SLAIN1: variants seen among roughly 807,000 people sequenced by gnomAD.
The protein encoded by SLAIN1 is SLAIN family member 1.
In SLAIN1, 17 loss-of-function variants were observed where a neutral mutation model predicts 55.4. The ratio of observed to expected loss-of-function variants is 0.31; its 90% CI spans 0.21 to 0.46. The LOEUF (loss-of-function observed/expected upper bound fraction) is 0.46. Among genes scored for constraint, SLAIN1 ranks in the 20% least tolerant of loss-of-function variants. SLAIN1 has a pLI of 1.00. For synonymous variants in SLAIN1, 348 were observed against 337.4 expected (o/e 1.03, Z -0.35); for missense variants, 682 against 785.1 (o/e 0.87, Z 1.57).
chr13:77,743,457 A>T (rs188491051), intron 2 of SLAIN1: 24 of 156,946 alleles, frequency 1.5e-4, no homozygotes, highest in Non-Finnish European at 5.6e-5. Context: ...GTCAAACACA[A>T]TTAAGGTAGT....
chr13:77,740,257 TTGG>T (rs1245268268), intron 2 of SLAIN1, among the ~76,000 whole-genome samples: 1 of 152,042 alleles, frequency 6.6e-6, no homozygotes, highest in African/African-American at 2.4e-5. Flanking sequence ...CAGGGCAGTG[TTGG>T]TGGCTGGAAG....
intron 2 of SLAIN1, chr13:77,741,397 A>G (rs1873429581): frequency 1.4e-5 from 14 of 987,358 alleles, no homozygotes; most frequent in Non-Finnish European, 1.6e-5. Flanking sequence ...CTGGAAGTGC[A>G]TGTCTGTGTT....
At chr13:77,730,545 A>C (rs1566232388) in intron 2 of SLAIN1, among the ~76,000 whole-genome samples, 1 of 152,174 alleles carries the variant, frequency 6.6e-6, no homozygotes, top group Admixed American at 6.6e-5. Context: ...CGGAAACATA[A>C]GGGTTTGATT....
intron 1 of SLAIN1, among the ~76,000 whole-genome samples, chr13:77,718,539 A>G (rs2091230231): frequency 6.6e-6 from 1 of 152,192 alleles, no homozygotes; most frequent in African/African-American, 2.4e-5. Context: ...TAACTGATAA[A>G]TTACTCTAAT....
chr13:77,761,089 A>C lies in SLAIN1; in HGVS notation c.1676A>C (p.Lys559Thr). 6 of 1,614,174 alleles carry C rather than the reference A, an allele frequency of 3.7e-6. No individual in the cohort carries two copies. Among genetic ancestry groups the C allele is most frequent in the Non-Finnish European group, 5.1e-6 (6 of 1,180,012 alleles). ...AATGGGAGTAACCTGCCTCGAAGCAAAATTGCACAACCTGTTAGAAGGTAA... is the reference window on the plus strand; with the variant it reads ...AATGGGAGTAACCTGCCTCGAAGCACAATTGCACAACCTGTTAGAAGGTAA... ...AINGSNLPRS[K>T]IAQPVRSFLQ... The change falls in exon 6 of 7, where the codon AAA becomes ACA. Residue 559 changes from lysine (K) to threonine (T), a missense_variant. By Grantham distance (78) the Lys-to-Thr change is moderately conservative. Transcript: ENST00000418532.
intron 2 of SLAIN1, among the ~76,000 whole-genome samples, chr13:77,732,647 C>G (rs890055060): frequency 6.6e-5 from 10 of 151,914 alleles, no homozygotes; most frequent in African/African-American, 2.2e-4. Flanking sequence ...TTTAAACATG[C>G]CTTTGAAGTG....
At chr13:77,720,873 GA>G (rs1384316909) in intron 2 of SLAIN1, among the ~76,000 whole-genome samples, 6 of 152,154 alleles carry the variant, frequency 3.9e-5, no homozygotes, top group African/African-American at 1.4e-4. Flanking sequence ...CATTTTAACT[GA>G]AATGAAACAG....
At chr13:77,722,879 T>A (rs1455002677) in intron 2 of SLAIN1, among the ~76,000 whole-genome samples, 1 of 152,158 alleles carries the variant, frequency 6.6e-6, no homozygotes, top group Non-Finnish European at 1.5e-5. Context: ...CCTGAGTAGC[T>A]GGGATTACAG....
intron 2 of SLAIN1, among the ~76,000 whole-genome samples, chr13:77,734,791 G>A (rs998507114): frequency 5.3e-5 from 8 of 152,164 alleles, no homozygotes; most frequent in African/African-American, 1.2e-4. Flanking sequence ...AGGCTGAGGC[G>A]GATGGATCAC....
Position 77,763,711 on chromosome 13 carries a change from A to ATGTGAACCACTATGGAACAACTTAAATTT in SLAIN1, c.*496_*524dup. 1 of 153,536 alleles carries ATGTGAACCACTATGGAACAACTTAAATTT rather than the reference A, an allele frequency of 6.5e-6. No homozygotes were observed. Among genetic ancestry groups the ATGTGAACCACTATGGAACAACTTAAATTT allele is most frequent in the Non-Finnish European group, 1.5e-5 (1 of 68,664 alleles). The allele number at this position is 153,536 out of a possible 1,614,324, so 9.5% of individuals were successfully genotyped here. A position where few individuals can be genotyped will look rare whatever the true frequency, so the allele number is the denominator to read the frequency against. ...TTTGTGCCTATTTCTTTTTACACCT[A>ATGTGAACCACTATGGAACAACTTAAATTT]TGTGAACCACTATGGAACAACTTAA... On this transcript the variant is annotated 3_prime_UTR_variant, in exon 7 of 7. Coordinates refer to ENST00000418532, the MANE Select transcript of SLAIN1 (RefSeq NM_001242868.2).
chr13:77,698,025 A>C lies in SLAIN1; in HGVS notation c.112A>C (p.Lys38Gln). Residue 38 changes from lysine (K) to glutamine (Q), a missense_variant, in exon 1 of 7, where the codon AAG (lysine) becomes CAG (glutamine). Lys to Gln is a moderately conservative substitution (Grantham distance 53). Transcript: ENST00000418532. This position sits in a 1 kb window ranked among gnomAD's most constrained non-coding sequence, Gnocchi z 4.1. ...EVKKLQELVR[K>Q]LEKQNEQLRS... ...GAAGAAGCTGCAGGAGCTGGTGCGC[A>C]AGCTGGAGAAGCAGAACGAGCAGCT... The C allele has an allele frequency of 7.0e-7, 1 of 1,423,558 alleles. No individual in the cohort carries two copies. Among genetic ancestry groups the C allele is most frequent in the South Asian group, 1.3e-5 (1 of 75,506 alleles). 88.2% of individuals were successfully genotyped at this position (1,423,558 alleles called of 1,614,324 possible).
At position 77,763,265 on chromosome 13, in the gene SLAIN1, AG is replaced by A. The variant is rs1875204378; in HGVS notation, c.*48del. 1 of 1,510,832 alleles carries A rather than the reference AG, an allele frequency of 6.6e-7. No homozygotes were observed. Among genetic ancestry groups the A allele is most frequent in the African/African-American group, 1.4e-5 (1 of 73,028 alleles). The allele number at this position is 1,510,832 out of a possible 1,614,324, so 93.6% of individuals were successfully genotyped here. On this transcript the variant is annotated 3_prime_UTR_variant, in exon 7 of 7. Transcript: ENST00000418532. ...GAAAAATGGGAAAGAAGTAAAAATG[AG>A]GGTTGTGTTACCTAGCTGGCTGGGT...
At position 77,763,568 on chromosome 13, in the gene SLAIN1, G is replaced by T. The variant is rs866954745; in HGVS notation, c.*348G>T. 1.5e-5 allele frequency: 3 copies of T among 203,088 alleles called. No homozygotes were observed. The highest frequency in any genetic ancestry group is 3.0e-5 in the Non-Finnish European group (3 of 99,814). The allele number at this position is 203,088 out of a possible 1,614,324, so 12.6% of individuals were successfully genotyped here. ...AAAGTAACTTGTTCAATTTACTCAC[G>T]TGTTCTAAACATCTTTCCATTACAT... On this transcript the variant is annotated 3_prime_UTR_variant, in exon 7 of 7. Coordinates refer to ENST00000418532, the MANE Select transcript of SLAIN1 (RefSeq NM_001242868.2).
rs937192148 is a variant in SLAIN1, at chr13:77,698,772, G to C, written c.626+233G>C. 5.9e-5 allele frequency: 71 copies of C among 1,198,572 alleles called. No homozygotes were observed. The highest frequency in any genetic ancestry group is 3.0e-4 in the Middle Eastern group (1 of 3,374). The allele number at this position is 1,198,572 out of a possible 1,614,324, so 74.2% of individuals were successfully genotyped here. On this transcript the variant is annotated intron_variant, in intron 1 of 6. Coordinates refer to ENST00000418532, the MANE Select transcript of SLAIN1 (RefSeq NM_001242868.2). The surrounding 1 kb of genome is among the most constrained non-coding windows in gnomAD (Gnocchi z 4.1). ...AATCGCTCCGACTGCGGATGAACCG[G>C]CCCCCCCTTCCCCCCATCTGCCATG...
chr13:77,763,249 G>A lies in SLAIN1; in HGVS notation c.*29G>A. 6.3e-7 allele frequency: 1 copy of A among 1,580,046 alleles called. No individual in the cohort carries two copies. The highest frequency in any genetic ancestry group is 8.7e-7 in the Non-Finnish European group (1 of 1,150,068). On this transcript the variant is annotated 3_prime_UTR_variant, in exon 7 of 7. Coordinates refer to ENST00000418532, the MANE Select transcript of SLAIN1 (RefSeq NM_001242868.2). The stretch of plus-strand genomic sequence containing the variant: ...AGTTTTATGTACCCTTGAAAAATGG[G>A]AAAGAAGTAAAAATGAGGGTTGTGT...
Position 77,744,551 on chromosome 13 carries a change from C to A in SLAIN1, c.916+119C>A, listed in dbSNP as rs539684668. 7.2e-6 allele frequency: 11 copies of A among 1,519,262 alleles called. No homozygotes were observed. The East Asian group carries it at 2.6e-4, about 36-fold the overall frequency. The allele number at this position is 1,519,262 out of a possible 1,614,324, so 94.1% of individuals were successfully genotyped here. A position where few individuals can be genotyped will look rare whatever the true frequency, so the allele number is the denominator to read the frequency against. On this transcript the variant is annotated intron_variant, in intron 3 of 6. Coordinates refer to ENST00000418532, the MANE Select transcript of SLAIN1 (RefSeq NM_001242868.2). The stretch of plus-strand genomic sequence containing the variant: ...AAATAATTAGATTCTTTCTCTCATA[C>A]TGTCCTACTTTTTAGGTGGAGCCAG...
intron 2 of SLAIN1, among the ~76,000 whole-genome samples, chr13:77,727,504 C>CAA (rs527496050): frequency 0.069 from 8,234 of 120,046 alleles, 334 homozygotes; most frequent in African/African-American, 0.13. Context: ...CTAGCCAAGC[C>CAA]AAAAAAAAAA....
chr13:77,697,911 A>G lies in SLAIN1; in HGVS notation c.-3A>G. The G allele has an allele frequency of 7.2e-7, 1 of 1,385,356 alleles. No homozygotes were observed. Among genetic ancestry groups the G allele is most frequent in the Non-Finnish European group, 9.4e-7 (1 of 1,059,184 alleles). The allele number at this position is 1,385,356 out of a possible 1,614,324, so 85.8% of individuals were successfully genotyped here. On this transcript the variant is annotated 5_prime_UTR_variant, in exon 1 of 7. Transcript: ENST00000418532. ...GGCGGCCGCGGCGCCCTCGGGGCCC[A>G]CGATGATGGCGGAGCAGGTGAAATG... is the stretch of plus-strand genomic sequence containing the variant.
intron 1 of SLAIN1, among the ~76,000 whole-genome samples, chr13:77,717,332 G>A (rs541975698): frequency 6.6e-6 from 1 of 152,074 alleles, no homozygotes; most frequent in Non-Finnish European, 1.5e-5. Flanking sequence ...TGCCCTAATA[G>A]GATGTATTAG....
Sources: gnomAD v4.1 joint callset for allele counts (sites outside exome capture counted in the v4.1 genomes callset) on GRCh38, gnomAD v4.1.1 for gene constraint, Gnocchi (gnomAD v3.1) non-coding constraint, MANE v1.5 for transcripts, NCBI Gene and HGNC (gene_info 2026-07-23, HGNC 2026-07-21) for gene names.